CPXCR1: variants seen among roughly 807,000 people sequenced by gnomAD.
The protein encoded by CPXCR1 is CPX chromosome region candidate 1.
Under a neutral mutation model 13.8 loss-of-function variants are expected in CPXCR1, and 15 were observed. That is an observed-to-expected ratio of 1.09 (90% CI 0.73 to 1.67). The LOEUF is 1.67. Among genes scored for constraint, CPXCR1 ranks in the 40% most tolerant of loss-of-function variants. The pLI is 0.00. For missense variants in CPXCR1, 247 were observed against 223.6 expected, an observed-to-expected ratio of 1.10 and a Z score of -0.67; for synonymous variants, 70 against 76.7, an observed-to-expected ratio of 0.91 and a Z score of 0.46.
chrX:88,752,692 G>A (rs1924956275), intron 2 of CPXCR1, among the ~76,000 whole-genome samples: 1 of 109,656 alleles, frequency 9.1e-6, no homozygotes, highest in South Asian at 3.9e-4. Context: ...GACTACAGGC[G>A]CCCACCATTA....
chrX:88,749,790 C>T (rs1247986930), intron 2 of CPXCR1, among the ~76,000 whole-genome samples: 3 of 108,633 alleles, frequency 2.8e-5, no homozygotes, highest in Admixed American at 1.0e-4. Context: ...GAATGAAATA[C>T]TTAAAAGTTG....
chrX:88,752,374 A>T (rs1206185419), intron 2 of CPXCR1, among the ~76,000 whole-genome samples: 1 of 111,265 alleles, frequency 9.0e-6, no homozygotes, highest in Non-Finnish European at 1.9e-5. Flanking sequence ...ATGAACAGAA[A>T]GTGGTGAATT....
In CPXCR1 at chrX:88,754,226, A is replaced by G. The variant is rs776419682; in HGVS notation, c.812A>G (p.Asn271Ser). 35 of 1,188,373 alleles carry G rather than the reference A, an allele frequency of 2.9e-5. No homozygotes were observed. The South Asian group carries it at 5.1e-4, about 17-fold the overall frequency. ...HTMNVMITNT[N>S]NGWKYFCPIC... ...ATGAATGTTATGATCACAAACACCA[A>G]TAATGGTTGGAAATACTTTTGTCCC... The change falls in exon 3 of 3, where the codon AAT becomes AGT. Residue 271 changes from asparagine (N) to serine (S), a missense_variant. Asn to Ser is a conservative substitution (Grantham distance 46). Coordinates refer to ENST00000276127, the MANE Select transcript of CPXCR1 (RefSeq NM_033048.6).
At position 88,754,402 on chromosome X, in the gene CPXCR1, A is replaced by G. The variant is rs1925020627; in HGVS notation, c.*82A>G. 1 of 647,716 alleles carries G rather than the reference A, an allele frequency of 1.5e-6. No individual in the cohort carries two copies. Among genetic ancestry groups the G allele is most frequent in the Non-Finnish European group, 2.3e-6 (1 of 436,519 alleles). The allele number at this position is 647,716 out of a possible 1,213,427, so 53.4% of individuals were successfully genotyped here. A position where few individuals can be genotyped will look rare whatever the true frequency, so the allele number is the denominator to read the frequency against. On this transcript the variant is annotated 3_prime_UTR_variant, in exon 3 of 3. Coordinates refer to ENST00000276127, the MANE Select transcript of CPXCR1 (RefSeq NM_033048.6). ...ACTAAAGTAAGACAAAATTGCATGA[A>G]CATAAATTTTAGTATTATTAGAGGG...
intron 1 of CPXCR1, among the ~76,000 whole-genome samples, 193 bp downstream of exon 1, chrX:88,747,562 T>C (rs937067939): frequency 2.7e-5 from 3 of 112,212 alleles, no homozygotes; most frequent in African/African-American, 9.7e-5. Context: ...GTTTCATTTG[T>C]CACAACATTT....
At position 88,754,332 on chromosome X, in the gene CPXCR1, G is replaced by T; in HGVS notation, c.*12G>T. On this transcript the variant is annotated 3_prime_UTR_variant, in exon 3 of 3. Transcript: ENST00000276127. Reference sequence around the variant, plus strand: ...CTTCTGGGAATTAAATTAAATTGGGGTAAATTCATTTTAAAATATAACTTC... The same window carrying T: ...CTTCTGGGAATTAAATTAAATTGGGTTAAATTCATTTTAAAATATAACTTC... 1.0e-6 allele frequency: 1 copy of T among 1,000,955 alleles called. No homozygotes were observed. The highest frequency in any genetic ancestry group is 1.3e-6 in the Non-Finnish European group (1 of 748,817). 82.5% of individuals were successfully genotyped at this position (1,000,955 alleles called of 1,213,427 possible).
chrX:88,750,222 C>A (rs1394102604), intron 2 of CPXCR1, among the ~76,000 whole-genome samples: 1 of 111,230 alleles, frequency 9.0e-6, no homozygotes, highest in Non-Finnish European at 1.9e-5. Flanking sequence ...TCATAAATAG[C>A]TCTTACTATT....
rs113849249 is a variant in CPXCR1, at chrX:88,750,841, A to G, written c.-9+1418A>G. Among the ~76,000 whole-genome samples, 3 of 111,545 alleles carry G rather than the reference A, an allele frequency of 2.7e-5. No homozygotes were observed. The East Asian group carries it at 8.5e-4, about 32-fold the overall frequency. The stretch of plus-strand genomic sequence containing the variant: ...CCAGGAATGTATCCATTTCTTCTAG[A>G]TCTTCTAGTTTAATTGTGTAGAGGT... On this transcript the variant is annotated intron_variant, in intron 2 of 2. Transcript: ENST00000276127.
At chrX:88,749,498 G>A (rs909329597) in intron 2 of CPXCR1, 75 bp downstream of exon 2, 4 of 110,343 alleles carry the variant, frequency 3.6e-5, no homozygotes, top group Non-Finnish European at 5.7e-5. Flanking sequence ...GATGCTAACT[G>A]CTGATGCTGA....
At chrX:88,749,760 A>T (rs1053978778) in intron 2 of CPXCR1, among the ~76,000 whole-genome samples, 1 of 110,035 alleles carries the variant, frequency 9.1e-6, no homozygotes, top group African/African-American at 3.3e-5. Context: ...AGAAAGTATC[A>T]CATAGTAACA....
At chrX:88,748,532 G>A (rs1473195921) in intron 1 of CPXCR1, among the ~76,000 whole-genome samples, 26 of 110,059 alleles carry the variant, frequency 2.4e-4, no homozygotes, top group Non-Finnish European at 4.9e-4. Context: ...CCAAACATAT[G>A]TCCAAACATT....
chrX:88,749,281 T>C (rs1198617855), intron 1 of CPXCR1, 37 bp from the exon 2 acceptor site: 1 of 109,837 alleles, frequency 9.1e-6, no homozygotes, highest in African/African-American at 3.3e-5. Flanking sequence ...AGCTATTTTT[T>C]CCTTTCTTTT....
Position 88,752,839 on chromosome X carries a change from G to T in CPXCR1, c.-8-568G>T, listed in dbSNP as rs113431332. Among the ~76,000 whole-genome samples the T allele has an allele frequency of 9.9e-3, 1,099 of 111,473 alleles. 15 individuals carry two copies. The highest frequency in any genetic ancestry group is 0.034 in the African/African-American group (1,048 of 30,705). ...TGGGATTACAGGCATGGGACACCGCGCTTGGCCTAGACATTACTTTTAAAA... is the reference window on the plus strand; with the variant it reads ...TGGGATTACAGGCATGGGACACCGCTCTTGGCCTAGACATTACTTTTAAAA... On this transcript the variant is annotated intron_variant, in intron 2 of 2. Transcript: ENST00000276127.
Position 88,753,712 on chromosome X carries a change from T to C in CPXCR1, c.298T>C (p.Leu100=), listed in dbSNP as rs78677921. Residue 100 remains leucine, a synonymous_variant, in exon 3 of 3, where the codon TTG becomes CTG. Transcript: ENST00000276127. The part of the protein sequence containing the change: ...LLLQTPIPRK[L]VSHKPLNDRS... Reference sequence around the variant, plus strand: ...ACTTCAGACCCCCATTCCCAGAAAATTGGTCTCTCACAAGCCCTTAAATGA... The same window carrying C: ...ACTTCAGACCCCCATTCCCAGAAAACTGGTCTCTCACAAGCCCTTAAATGA... 0.012 allele frequency: 14,284 copies of C among 1,207,632 alleles called. 730 individuals are homozygous for C. In the African/African-American group the frequency reaches 0.17, roughly 15 times the overall value.
rs1924801733 is a variant in CPXCR1 at position 88,747,326 on chromosome X, T to G, written c.-158T>G. 1 of 112,399 alleles carries G rather than the reference T, an allele frequency of 8.9e-6. No homozygotes were observed. The highest frequency in any genetic ancestry group is 1.9e-5 in the Non-Finnish European group (1 of 53,294). 9.3% of individuals were successfully genotyped at this position (112,399 alleles called of 1,213,427 possible). On this transcript the variant is annotated 5_prime_UTR_variant, in exon 1 of 3. Coordinates refer to ENST00000276127, the MANE Select transcript of CPXCR1 (RefSeq NM_033048.6). The stretch of plus-strand genomic sequence containing the variant: ...GGATTTTGACGAATGAGAATGAAGA[T>G]AAACTGTGAGTTGAAAGTGAAAGAG...
chrX:88,749,633 G>A (rs949632127), intron 2 of CPXCR1, among the ~76,000 whole-genome samples: 2 of 110,351 alleles, frequency 1.8e-5, no homozygotes, highest in African/African-American at 3.3e-5. Flanking sequence ...GAAGAAGAAA[G>A]TAAAGCAAAA....
rs769844937 is a variant in CPXCR1 at position 88,753,628 on chromosome X, C to T, written c.214C>T (p.Leu72Phe). 3 of 1,204,321 alleles carry T rather than the reference C, an allele frequency of 2.5e-6. No homozygotes were observed. Among genetic ancestry groups the T allele is most frequent in the East Asian group, 3.0e-5 (1 of 33,644 alleles). Residue 72 changes from leucine to phenylalanine, a missense_variant, in exon 3 of 3, where the codon CTC (leucine) becomes TTC (phenylalanine). By Grantham distance (22) the Leu-to-Phe change is conservative (BLOSUM62 0). Coordinates refer to ENST00000276127, the MANE Select transcript of CPXCR1 (RefSeq NM_033048.6). The part of the protein sequence containing the change: ...VVPQAAENSE[L>F]ETEIQKDQRE... ...TCCTCAAGCAGCAGAAAACAGCGAG[C>T]TCGAAACAGAGATCCAAAAAGATCA...
At chrX:88,748,740 TA>T (rs1285526766) in intron 1 of CPXCR1, among the ~76,000 whole-genome samples, 2 of 110,081 alleles carry the variant, frequency 1.8e-5, no homozygotes, top group African/African-American at 6.6e-5. Context: ...TTGAGTGACA[TA>T]AATATATGTG....
At chrX:88,747,647 A>C (rs1245880212) in intron 1 of CPXCR1, among the ~76,000 whole-genome samples, 4 of 111,695 alleles carry the variant, frequency 3.6e-5, no homozygotes, top group African/African-American at 9.8e-5. Flanking sequence ...CAATTGAAGA[A>C]ATTAGGATAT....
Sources: gnomAD v4.1 joint callset for allele counts (sites outside exome capture counted in the v4.1 genomes callset) on GRCh38, gnomAD v4.1.1 for gene constraint, MANE v1.5 for transcripts, NCBI Gene and HGNC (gene_info 2026-07-23, HGNC 2026-07-21) for gene names.